Variants in LHCGR observed in about 807,000 individuals in gnomAD.
LHCGR encodes luteinizing hormone/choriogonadotropin receptor, also known as lutropin-choriogonadotropic hormone receptor.
A neutral mutation model predicts 60.7 loss-of-function variants in LHCGR; 55 were observed. The observed-to-expected ratio is 0.91, with a 90% CI of 0.73 to 1.13. LHCGR has a LOEUF of 1.13. LHCGR is among the 50% of genes most tolerant of loss of function. LHCGR has a pLI of 0.00. For missense variants in LHCGR, 862 were observed against 836.0 expected (o/e 1.03, Z -0.38); for synonymous variants, 337 against 316.5 (o/e 1.06, Z -0.69).
At chr2:48,746,100 T>C (rs1295200140) in intron 1 of LHCGR, among the ~76,000 whole-genome samples, 1 of 152,210 alleles carries the variant, frequency 6.6e-6, no homozygotes, top group Non-Finnish European at 1.5e-5. Context: ...TGCAGTACAA[T>C]ATGAAGACTC....
chr2:48,731,462 G>T (rs1668983304), intron 1 of LHCGR, among the ~76,000 whole-genome samples, 164 bp from the exon 2 acceptor site: 1 of 152,144 alleles, frequency 6.6e-6, no homozygotes. Context: ...ATGAAGAGAT[G>T]TGCCATGACT....
chr2:48,744,269 C>A (rs1247865530), intron 1 of LHCGR, among the ~76,000 whole-genome samples: 4 of 45,924 alleles, frequency 8.7e-5, no homozygotes, highest in Non-Finnish European at 1.2e-4. Flanking sequence ...GCCATACTGC[C>A]CAAGGTAATT....
At chr2:48,721,465 T>G in intron 6 of LHCGR, 1 of 269,558 alleles carries the variant, frequency 3.7e-6, no homozygotes, top group Non-Finnish European at 7.4e-6. Flanking sequence ...ATGGGTTATT[T>G]TTGAAATTAT....
chr2:48,709,619 A>G (rs1225892663), intron 7 of LHCGR, among the ~76,000 whole-genome samples: 1 of 152,172 alleles, frequency 6.6e-6, no homozygotes, highest in Non-Finnish European at 1.5e-5. Flanking sequence ...AGTGTAAATG[A>G]TCATCGCCAG....
intron 8 of LHCGR, among the ~76,000 whole-genome samples, chr2:48,701,242 A>G (rs906118048): frequency 1.3e-5 from 2 of 152,182 alleles, no homozygotes; most frequent in Admixed American, 1.3e-4. Flanking sequence ...AAGAATAACA[A>G]GGACAGCTCA....
intron 4 of LHCGR, 64 bp from the exon 5 acceptor site, chr2:48,723,760 A>G (rs1668601262): frequency 1.7e-6 from 2 of 1,195,482 alleles, no homozygotes; most frequent in Non-Finnish European, 2.5e-6. Context: ...TCATTAAGAC[A>G]TAAAGATAAA....
chr2:48,737,947 C>G (rs1264524268), intron 1 of LHCGR, among the ~76,000 whole-genome samples: 1 of 152,186 alleles, frequency 6.6e-6, no homozygotes, highest in African/African-American at 2.4e-5. Context: ...CAGATCTGGA[C>G]TAAAGCATTG....
chr2:48,755,309 C>T (rs1324471610), intron 1 of LHCGR, among the ~76,000 whole-genome samples: 1 of 152,114 alleles, frequency 6.6e-6, no homozygotes, highest in Non-Finnish European at 1.5e-5. Context: ...GGGGCTGGGG[C>T]TCTCAGAGGC....
At chr2:48,738,019 C>T (rs1669275100) in intron 1 of LHCGR, among the ~76,000 whole-genome samples, 1 of 152,202 alleles carries the variant, frequency 6.6e-6, no homozygotes, top group South Asian at 2.1e-4. Context: ...CAGTACTGTT[C>T]ATTTGGATGT....
chr2:48,697,809 C>A (rs901513437), intron 9 of LHCGR, among the ~76,000 whole-genome samples: 5 of 151,756 alleles, frequency 3.3e-5, no homozygotes, highest in Admixed American at 3.3e-4. Context: ...TAGAGTGCAT[C>A]AAGACTGGCA....
chr2:48,708,706 A>G, intron 8 of LHCGR: 1 of 590,516 alleles, frequency 1.7e-6, no homozygotes, highest in South Asian at 2.0e-5. Flanking sequence ...ACCCCTGCTG[A>G]CACCTTGATT....
chr2:48,694,716 T>C (rs1195828046), intron 9 of LHCGR, among the ~76,000 whole-genome samples: 2 of 152,124 alleles, frequency 1.3e-5, no homozygotes, highest in Non-Finnish European at 2.9e-5. Context: ...GGCATCTTTT[T>C]TGTAAGGATT....
At chr2:48,748,212 A>G (rs982973161) in intron 1 of LHCGR, among the ~76,000 whole-genome samples, 4 of 152,290 alleles carry the variant, frequency 2.6e-5, no homozygotes, top group Admixed American at 1.3e-4. Flanking sequence ...CTGGAAGACT[A>G]TAAGCTCCTG....
chr2:48,750,046 C>G (rs1309527563), intron 1 of LHCGR, among the ~76,000 whole-genome samples: 2 of 152,174 alleles, frequency 1.3e-5, no homozygotes, highest in East Asian at 3.8e-4. Flanking sequence ...TTAACCTCAA[C>G]CTTGGGCCTT....
intron 1 of LHCGR, 61 bp from the exon 2 acceptor site, chr2:48,731,359 C>T: frequency 8.2e-7 from 1 of 1,212,364 alleles, no homozygotes; most frequent in Non-Finnish European, 1.2e-6. Flanking sequence ...CTTTTAAGTT[C>T]ATGAATAAAA....
chr2:48,690,636 C>T (rs754483442), intron 10 of LHCGR, among the ~76,000 whole-genome samples: 2 of 152,132 alleles, frequency 1.3e-5, no homozygotes, highest in South Asian at 2.1e-4. Flanking sequence ...GTACTTCTGC[C>T]TAGAATTTTC....
At chr2:48,708,916 G>T (rs777023741) in intron 8 of LHCGR, 32 bp downstream of exon 8, 7 of 1,571,738 alleles carry the variant, frequency 4.5e-6, no homozygotes, top group Middle Eastern at 1.8e-4. Context: ...GGTACACTGG[G>T]CAGGGAGGGG....
chr2:48,752,972 G>A (rs1330812930), intron 1 of LHCGR, among the ~76,000 whole-genome samples: 1 of 114,498 alleles, frequency 8.7e-6, no homozygotes, highest in Non-Finnish European at 1.8e-5. Flanking sequence ...GTGTTATGCC[G>A]GATTTTGGCG....
At chr2:48,711,143 A>G (rs1042737957) in intron 7 of LHCGR, among the ~76,000 whole-genome samples, 2 of 152,172 alleles carry the variant, frequency 1.3e-5, no homozygotes, top group Non-Finnish European at 2.9e-5. Flanking sequence ...GACACAGTGG[A>G]ATCCTTGTCA....
Sources: gnomAD v4.1 joint callset for allele counts (sites outside exome capture counted in the v4.1 genomes callset) on GRCh38, gnomAD v4.1.1 for gene constraint, MANE v1.5 for transcripts, NCBI Gene and HGNC (gene_info 2026-07-23, HGNC 2026-07-21) for gene names.